Variants in ADGRD1 observed in about 807,000 individuals in gnomAD.
The protein encoded by ADGRD1 is adhesion G protein-coupled receptor D1.
A neutral mutation model predicts 113.4 loss-of-function variants in ADGRD1; 77 were observed. That is an observed-to-expected ratio of 0.68 (90% CI 0.57 to 0.82). The LOEUF is 0.82. Ranked by LOEUF, ADGRD1 falls within the 40% of genes least tolerant of loss-of-function variation. The probability of loss-of-function intolerance (pLI) is 0.00; values close to 1 mark genes in which losing one functional copy is unlikely to be tolerated. For synonymous variants in ADGRD1, 474 were observed against 475.0 expected (o/e 1.00, Z 0.03); for missense variants, 1,036 against 1,139.1 (o/e 0.91, Z 1.30).
chr12:131,007,036 T>C (rs1196296287), intron 12 of ADGRD1, among the ~76,000 whole-genome samples: 1 of 152,256 alleles, frequency 6.6e-6, no homozygotes, highest in Non-Finnish European at 1.5e-5. Flanking sequence ...CTGGCCTTGC[T>C]GTGAAATATA....
In ADGRD1 at chr12:131,003,746, G is replaced by C. The variant is rs897563163; in HGVS notation, c.1145-440G>C. Among the ~76,000 whole-genome samples, 13 of 152,358 alleles carry C rather than the reference G, an allele frequency of 8.5e-5. No homozygotes were observed. Among genetic ancestry groups the C allele is most frequent in the African/African-American group, 2.9e-4 (12 of 41,584 alleles). The stretch of plus-strand genomic sequence containing the variant: ...GTCTTTACCAGGAGTGCATTATCCT[G>C]CTGATACTTCGCTGCAAGAGCCGAG... On this transcript the variant is annotated intron_variant, in intron 10 of 24. Coordinates refer to ENST00000261654, the MANE Select transcript of ADGRD1 (RefSeq NM_198827.5). The surrounding 1 kb of genome is among the most constrained non-coding windows in gnomAD (Gnocchi z 4.8).
In ADGRD1 at chr12:131,120,880, G is replaced by A. The variant is rs1022522904; in HGVS notation, c.2142G>A (p.Trp714Ter). 3.1e-6 allele frequency: 5 copies of A among 1,614,234 alleles called. No homozygotes were observed. The highest frequency in any genetic ancestry group is 4.2e-6 in the Non-Finnish European group (5 of 1,180,048). The change falls in exon 20 of 25, where the codon TGG (tryptophan) becomes TGA (stop). Residue 714 changes from tryptophan (W) to a stop codon, truncating the protein, a stop_gained. Coordinates refer to ENST00000261654, the MANE Select transcript of ADGRD1 (RefSeq NM_198827.5). LOFTEE classifies it high-confidence loss of function. ...CWLSLASGAI[W>*]AFVAPALFVI... ...TGTCGTTGGCGAGTGGCGCCATCTG[G>A]GCCTTTGTAGCCCCTGCCCTGTTTG... is the stretch of plus-strand genomic sequence containing the variant.
intron 4 of ADGRD1, chr12:130,976,673 G>A (rs189073269): frequency 2.6e-5 from 4 of 152,202 alleles, no homozygotes; most frequent in Admixed American, 6.6e-5. Flanking sequence ...CAGCCCACGA[G>A]GTTTCCAGAA....
chr12:131,051,806 T>C (rs1883423670), intron 13 of ADGRD1, among the ~76,000 whole-genome samples: 1 of 152,220 alleles, frequency 6.6e-6, no homozygotes, highest in African/African-American at 2.4e-5. Context: ...TTCCTAACAC[T>C]TTCTTAGCAT....
intron 20 of ADGRD1, among the ~76,000 whole-genome samples, chr12:131,131,130 C>A (rs1950913049): frequency 1.3e-5 from 2 of 152,174 alleles, no homozygotes; most frequent in Admixed American, 1.3e-4. Flanking sequence ...GCAGGTTGTG[C>A]TGAAGCCTCT....
In ADGRD1 at chr12:131,105,800, C is replaced by A. The variant is rs200052797; in HGVS notation, c.1822C>A (p.Leu608Met). Residue 608 changes from leucine (L) to methionine (M), a missense_variant, in exon 17 of 25, where the codon CTG (leucine) becomes ATG (methionine). Leu to Met is a conservative substitution (Grantham distance 15). Transcript: ENST00000261654. ...RNQRYHIHAN[L>M]SFAVLVAQVL... ...CCAGCGCTACCACATCCACGCCAAC[C>A]TGTCCTTCGCCGTGCTGGTGGCCCA... 1 of 1,601,306 alleles carries A rather than the reference C, an allele frequency of 6.2e-7. No homozygotes were observed. The highest frequency in any genetic ancestry group is 8.5e-7 in the Non-Finnish European group (1 of 1,179,960).
intron 13 of ADGRD1, among the ~76,000 whole-genome samples, chr12:131,017,292 ACAGTCCACACACACC>A (rs1266617042): frequency 1.3e-4 from 20 of 149,558 alleles, no homozygotes; most frequent in South Asian, 4.3e-4. Flanking sequence ...CCCAGTGCAC[ACAGTCCACACACACC>A]CAGTCCACAC....
chr12:131,048,929 C>A (rs1010647196), intron 13 of ADGRD1, among the ~76,000 whole-genome samples: 1 of 151,408 alleles, frequency 6.6e-6, no homozygotes, highest in African/African-American at 2.4e-5. Context: ...GAGGAGGGGT[C>A]TGAGAAGGAA....
At chr12:131,099,626 A>G (rs1001721622) in intron 15 of ADGRD1, among the ~76,000 whole-genome samples, 3 of 152,200 alleles carry the variant, frequency 2.0e-5, no homozygotes, top group Admixed American at 6.5e-5. Context: ...AGAAGAATGT[A>G]TAACGTTACA....
At chr12:131,072,458 A>C (rs755243786) in intron 13 of ADGRD1, among the ~76,000 whole-genome samples, 5 of 152,206 alleles carry the variant, frequency 3.3e-5, no homozygotes, top group Non-Finnish European at 7.3e-5. Flanking sequence ...TGTCTGCACA[A>C]GTCTACCCCT....
At chr12:131,010,640 T>C (rs143576034) in intron 12 of ADGRD1, among the ~76,000 whole-genome samples, 99 of 152,302 alleles carry the variant, frequency 6.5e-4, no homozygotes, top group African/African-American at 2.2e-3. Flanking sequence ...GGCTCAGATG[T>C]GCTGCGTGGG....
rs1291018224 is a variant in ADGRD1, at chr12:131,057,246, C to G, written c.1474-19555C>G. Among the ~76,000 whole-genome samples the G allele has an allele frequency of 6.6e-6, 1 of 152,182 alleles. No homozygotes were observed. Among genetic ancestry groups the G allele is most frequent in the Non-Finnish European group, 1.5e-5 (1 of 68,038 alleles). ...AGCGCCTGCTGGTGTTTGAGAGAAG[C>G]TCTGTGCTTCACCCCTGAAGCTGGG... On this transcript the variant is annotated intron_variant, in intron 13 of 24. Coordinates refer to ENST00000261654, the MANE Select transcript of ADGRD1 (RefSeq NM_198827.5). This position sits in a 1 kb window ranked among gnomAD's most constrained non-coding sequence, Gnocchi z 4.2.
chr12:131,076,167 A>G (rs1885587764), intron 13 of ADGRD1, among the ~76,000 whole-genome samples: 1 of 152,162 alleles, frequency 6.6e-6, no homozygotes, highest in Non-Finnish European at 1.5e-5. Flanking sequence ...CATTGAACAG[A>G]TATTTAGTAA....
intron 8 of ADGRD1, among the ~76,000 whole-genome samples, chr12:130,993,422 A>T (rs1163172313): frequency 7.1e-6 from 1 of 141,626 alleles, no homozygotes; most frequent in Non-Finnish European, 1.6e-5. Context: ...ACCATACTAG[A>T]TTCTGGGAGT....
chr12:131,118,795 C>T (rs938408963), intron 19 of ADGRD1, among the ~76,000 whole-genome samples: 3 of 152,228 alleles, frequency 2.0e-5, no homozygotes, highest in African/African-American at 7.2e-5. Context: ...GTGGCCCTTT[C>T]ACCCTTTCTT....
intron 13 of ADGRD1, among the ~76,000 whole-genome samples, chr12:131,021,431 A>G (rs1309107940): frequency 6.6e-6 from 1 of 152,066 alleles, no homozygotes. Context: ...TCACTGTCCG[A>G]TGCTTCCTCC....
intron 15 of ADGRD1, among the ~76,000 whole-genome samples, chr12:131,093,260 G>T (rs992476481): frequency 1.3e-5 from 2 of 152,160 alleles, no homozygotes; most frequent in African/African-American, 4.8e-5. Flanking sequence ...CTGCCTCTCA[G>T]GAGGCATTTG....
chr12:131,002,212 T>C (rs1260005943), intron 9 of ADGRD1, among the ~76,000 whole-genome samples: 1 of 152,204 alleles, frequency 6.6e-6, no homozygotes, highest in Admixed American at 6.5e-5. Context: ...ATGCAAAATA[T>C]GCAAATCTGT....
At chr12:131,045,571 C>T (rs575225269) in intron 13 of ADGRD1, among the ~76,000 whole-genome samples, 3 of 152,064 alleles carry the variant, frequency 2.0e-5, no homozygotes, top group East Asian at 1.9e-4. Flanking sequence ...GCTCAGCACA[C>T]GGCTGTACCT....
Sources: gnomAD v4.1 joint callset for allele counts (sites outside exome capture counted in the v4.1 genomes callset) on GRCh38, gnomAD v4.1.1 for gene constraint, Gnocchi (gnomAD v3.1) non-coding constraint, MANE v1.5 for transcripts, NCBI Gene and HGNC (gene_info 2026-07-23, HGNC 2026-07-21) for gene names.